VDAC2: variants seen among roughly 807,000 people sequenced by gnomAD.
VDAC2 encodes non-selective voltage-gated ion channel VDAC2.
Under a neutral mutation model 36.6 loss-of-function variants are expected in VDAC2, and 6 were observed. The observed-to-expected ratio is 0.16, with a 90% CI of 0.09 to 0.32. The LOEUF (loss-of-function observed/expected upper bound fraction) is 0.32. VDAC2 is among the 10% of genes least tolerant of loss of function. The pLI, the probability that VDAC2 is intolerant of heterozygous loss-of-function variation, is 1.00. For missense variants in VDAC2, 247 were observed against 346.0 expected (o/e 0.71, Z 2.27); for synonymous variants, 109 against 123.8 (o/e 0.88, Z 0.79).
intron 7 of VDAC2, 23 bp downstream of exon 7, chr10:75,220,993 A>G (rs1590006749): frequency 2.5e-6 from 4 of 1,596,138 alleles, no homozygotes; most frequent in East Asian, 2.2e-5. Context: ...TTCATAGGAT[A>G]CTGTGATGTG....
chr10:75,223,426 A>G (rs1482348338), intron 8 of VDAC2, among the ~76,000 whole-genome samples: 1 of 152,154 alleles, frequency 6.6e-6, no homozygotes, highest in African/African-American at 2.4e-5. Flanking sequence ...AGCTACTAGG[A>G]GTTCATAGTT....
chr10:75,229,922 C>T (rs774968752), intron 9 of VDAC2, among the ~76,000 whole-genome samples: 14 of 151,294 alleles, frequency 9.3e-5, no homozygotes, highest in Non-Finnish European at 1.3e-4. Context: ...GAATAAGGCC[C>T]GTCTCTTCTT....
At chr10:75,229,793 C>A in intron 9 of VDAC2, 92 bp downstream of exon 9, 1 of 975,272 alleles carries the variant, frequency 1.0e-6, no homozygotes, top group Non-Finnish European at 1.5e-6. Context: ...TTCAAGCACA[C>A]AGAAGAGTTG....
chr10:75,217,867 T>C (rs751352780), intron 4 of VDAC2: 5 of 1,246,816 alleles, frequency 4.0e-6, no homozygotes, highest in Non-Finnish European at 5.2e-6. Context: ...GATACAATTT[T>C]TGATATTTCT....
intron 8 of VDAC2, among the ~76,000 whole-genome samples, chr10:75,224,488 A>G (rs78200399): frequency 8.9e-4 from 136 of 152,258 alleles, no homozygotes; most frequent in African/African-American, 3.2e-3. Flanking sequence ...GGGTGGTCAG[A>G]TGGTCACCCC....
chr10:75,211,368 A>G (rs1221434689), intron 2 of VDAC2, 179 bp downstream of exon 2: 2 of 1,391,306 alleles, frequency 1.4e-6, no homozygotes, highest in African/African-American at 1.5e-5. Flanking sequence ...TGGATTTCAA[A>G]TGGGGAACAA....
chr10:75,214,091 A>C (rs1249029987), intron 4 of VDAC2, 21 bp downstream of exon 4: 4 of 1,610,362 alleles, frequency 2.5e-6, no homozygotes, highest in Non-Finnish European at 2.5e-6. Context: ...CTGTTGAATA[A>C]GTTCTATTGA....
chr10:75,218,458 C>A (rs61859876), intron 4 of VDAC2, among the ~76,000 whole-genome samples: 1 of 152,102 alleles, frequency 6.6e-6, no homozygotes, highest in African/African-American at 2.4e-5. Flanking sequence ...CTTAGCAAAA[C>A]CTTCCTTAAA....
chr10:75,214,117 C>A, intron 4 of VDAC2, 47 bp downstream of exon 4: 1 of 1,587,310 alleles, frequency 6.3e-7, no homozygotes. Context: ...TATAATTTTT[C>A]AACTTGTAAA....
chr10:75,222,191 C>T lies in VDAC2; in HGVS notation c.585-61C>T, dbSNP rs978651630. On this transcript the variant is annotated intron_variant, in intron 7 of 9. Coordinates refer to ENST00000332211, the MANE Select transcript of VDAC2 (RefSeq NM_001391963.1). The stretch of plus-strand genomic sequence containing the variant: ...TTTAAATGTAATGCTACAAATCAGC[C>T]TGTGCCTTAGACATTATTACATTGT... The T allele has an allele frequency of 2.5e-5, 38 of 1,491,720 alleles. No homozygotes were observed. The East Asian group carries it at 5.8e-4, about 23-fold the overall frequency. The allele number at this position is 1,491,720 out of a possible 1,614,324, so 92.4% of individuals were successfully genotyped here.
intron 6 of VDAC2, among the ~76,000 whole-genome samples, chr10:75,219,960 T>C (rs554522923): frequency 6.6e-6 from 1 of 151,426 alleles, no homozygotes; most frequent in Non-Finnish European, 1.5e-5. Context: ...CCTGAGTAGC[T>C]GGGATCACAG....
At chr10:75,215,073 C>T (rs1841557622) in intron 4 of VDAC2, among the ~76,000 whole-genome samples, 1 of 151,836 alleles carries the variant, frequency 6.6e-6, no homozygotes, top group South Asian at 2.1e-4. Context: ...TCCATCATGC[C>T]TGAGTATTTT....
chr10:75,212,927 T>TCCTA (rs1417924479), intron 3 of VDAC2, among the ~76,000 whole-genome samples: 1 of 152,194 alleles, frequency 6.6e-6, no homozygotes, highest in Non-Finnish European at 1.5e-5. Context: ...TTGTGGTGAC[T>TCCTA]CCTAATACTT....
chr10:75,220,376 T>C (rs1338844550), intron 6 of VDAC2, among the ~76,000 whole-genome samples: 1 of 152,210 alleles, frequency 6.6e-6, no homozygotes, highest in African/African-American at 2.4e-5. Context: ...CCCAAAGTGC[T>C]GAGATTACAG....
At chr10:75,219,473 C>A (rs1841733841) in intron 6 of VDAC2, 117 bp downstream of exon 6, 9 of 822,538 alleles carry the variant, frequency 1.1e-5, no homozygotes, top group Non-Finnish European at 1.7e-5. Flanking sequence ...GTGGTGAAAT[C>A]TCTGTATCTG....
intron 4 of VDAC2, chr10:75,217,775 A>T: frequency 1.8e-6 from 1 of 547,000 alleles, no homozygotes. Flanking sequence ...GTAAGACCTA[A>T]GGATTTGTCT....
intron 6 of VDAC2, 56 bp downstream of exon 6, chr10:75,219,412 T>C: frequency 7.0e-7 from 1 of 1,422,574 alleles, no homozygotes. Flanking sequence ...CTTTTGTATA[T>C]TTAGAAAAGG....
rs1841449790 is a variant in VDAC2, at chr10:75,212,310, A to G, written c.100+12A>G. The G allele has an allele frequency of 6.2e-7, 1 of 1,607,738 alleles. No individual in the cohort carries two copies. Among genetic ancestry groups the G allele is most frequent in the Non-Finnish European group, 8.5e-7 (1 of 1,176,768 alleles). ...CAACAAAGGATTTGGTAAGAACCTT[A>G]TTTTTAAAACGTTTTAGATAAAGAG... On this transcript the variant is annotated intron_variant, in intron 3 of 9. Transcript: ENST00000332211.
At chr10:75,222,784 C>CT (rs1841852841) in intron 8 of VDAC2, among the ~76,000 whole-genome samples, 1 of 152,078 alleles carries the variant, frequency 6.6e-6, no homozygotes, top group Non-Finnish European at 1.5e-5. Context: ...CTCCCGGCAC[C>CT]TTGACATCCT....
Sources: gnomAD v4.1 joint callset for allele counts (sites outside exome capture counted in the v4.1 genomes callset) on GRCh38, gnomAD v4.1.1 for gene constraint, MANE v1.5 for transcripts, NCBI Gene and HGNC (gene_info 2026-07-23, HGNC 2026-07-21) for gene names.